PARD3B: variants seen among roughly 807,000 people sequenced by gnomAD.
The protein encoded by PARD3B is par-3 family cell polarity regulator beta.
PARD3B carries 103 observed loss-of-function variants against 130.2 expected under a neutral mutation model. The ratio of observed to expected loss-of-function variants is 0.79; its 90% confidence interval spans 0.67 to 0.93. The LOEUF (loss-of-function observed/expected upper bound fraction) is 0.93. PARD3B is among the 40% of genes least tolerant of loss of function. The pLI is 0.00. For synonymous variants in PARD3B, 583 were observed against 553.2 expected (o/e 1.05, Z -0.76); for missense variants, 1,609 against 1,499.2 (o/e 1.07, Z -1.21).
intron 2 of PARD3B, among the ~76,000 whole-genome samples, chr2:204,903,945 T>C (rs1267070522): frequency 1.3e-5 from 2 of 152,194 alleles, no homozygotes; most frequent in African/African-American, 4.8e-5. Flanking sequence ...GTCTACTATT[T>C]GTAATTTCTC....
intron 21 of PARD3B, among the ~76,000 whole-genome samples, chr2:205,544,613 G>C (rs1346881359): frequency 6.6e-6 from 1 of 152,216 alleles, no homozygotes; most frequent in East Asian, 1.9e-4. Context: ...AATCATAACA[G>C]AGACAGTTCA....
At chr2:205,403,982 A>T (rs1027801943) in intron 19 of PARD3B, among the ~76,000 whole-genome samples, 1 of 152,148 alleles carries the variant, frequency 6.6e-6, no homozygotes, top group Non-Finnish European at 1.5e-5. Context: ...ACTTGCCCCC[A>T]GCACCCCTCA....
chr2:204,798,936 T>G (rs1444911111), intron 2 of PARD3B, among the ~76,000 whole-genome samples: 1 of 151,718 alleles, frequency 6.6e-6, no homozygotes, highest in Non-Finnish European at 1.5e-5. Flanking sequence ...TAGCTTCAGG[T>G]GTAGCCCAGC....
intron 2 of PARD3B, among the ~76,000 whole-genome samples, chr2:204,795,424 A>G (rs915030030): frequency 1.3e-5 from 2 of 152,174 alleles, no homozygotes; most frequent in Non-Finnish European, 2.9e-5. Flanking sequence ...ATGACTGGTC[A>G]CGTTTGAGGA....
chr2:205,166,138 C>T (rs1209531575), intron 11 of PARD3B, among the ~76,000 whole-genome samples: 2 of 152,244 alleles, frequency 1.3e-5, no homozygotes, highest in Non-Finnish European at 2.9e-5. Context: ...CTAGACACCG[C>T]ATACTTAAAA....
intron 22 of PARD3B, among the ~76,000 whole-genome samples, chr2:205,581,271 GATAGATATAGATAT>G (rs1559238157): frequency 7.6e-6 from 1 of 131,216 alleles, no homozygotes; most frequent in Non-Finnish European, 1.6e-5. Flanking sequence ...GATATAGATA[GATAGATATAGATAT>G]ATAGATAGAT....
Position 205,183,730 on chromosome 2 carries a change from TTGTGTG to T in PARD3B, c.1925-1995_1925-1990del, listed in dbSNP as rs71410805. On this transcript the variant is annotated intron_variant, in intron 13 of 22. Transcript: ENST00000406610. The surrounding 1 kb of genome is among the most constrained non-coding windows in gnomAD (Gnocchi z 5.2). ...GGTTCTGCAGAGAAACAGAACCAAG[TTGTGTG>T]TGTGTGTGTGTGTGTGTGTGTGTGT... 0.047 allele frequency among the ~76,000 whole-genome samples: 6,449 copies of T among 138,200 alleles called. 365 individuals are homozygous for T. Among genetic ancestry groups the T allele is most frequent in the African/African-American group, 0.14 (5,350 of 37,140 alleles). The allele number at this position is 138,200 out of a possible 152,430, so 90.7% of individuals were successfully genotyped here.
Position 205,243,368 on chromosome 2 carries a change from A to G in PARD3B, c.2141-2410A>G, listed in dbSNP as rs992295552. Among the ~76,000 whole-genome samples, 9 of 152,302 alleles carry G rather than the reference A, an allele frequency of 5.9e-5. No individual in the cohort carries two copies. In the South Asian group the frequency reaches 1.9e-3, roughly 32 times the overall value. On this transcript the variant is annotated intron_variant, in intron 15 of 22. Transcript: ENST00000406610. The stretch of plus-strand genomic sequence containing the variant: ...ATTTGCACATGTAATCATCACCACA[A>G]ACCTGTGGGGTAAGCAATATCCTCT...
Position 205,366,390 on chromosome 2 carries a change from A to G in PARD3B, c.2631-34623A>G, listed in dbSNP as rs550125918. ...GACAGAGGTAAAGAATTTCCTACTT[A>G]TATTCGATGACAACCTAATGTTTTG... On this transcript the variant is annotated intron_variant, in intron 18 of 22. Transcript: ENST00000406610. The surrounding 1 kb of genome is among the most constrained non-coding windows in gnomAD (Gnocchi z 5.0). 1.3e-5 allele frequency among the ~76,000 whole-genome samples: 2 copies of G among 152,270 alleles called. No individual in the cohort carries two copies. The highest frequency in any genetic ancestry group is 2.4e-5 in the African/African-American group (1 of 41,556).
chr2:205,616,003 A>C lies in PARD3B; in HGVS notation c.*190A>C. ...AGGGGAAGGGAATTGGGGAGGAAAA[A>C]AAATCAGAAGGAAGACGAAAGATGG... On this transcript the variant is annotated 3_prime_UTR_variant, in exon 23 of 23. Transcript: ENST00000406610. The C allele has an allele frequency of 1.7e-6, 1 of 573,634 alleles. No individual in the cohort carries two copies. Among genetic ancestry groups the C allele is most frequent in the East Asian group, 3.0e-5 (1 of 33,566 alleles). 35.5% of individuals were successfully genotyped at this position (573,634 alleles called of 1,614,324 possible).
intron 1 of PARD3B, among the ~76,000 whole-genome samples, chr2:204,671,009 T>C (rs1282501760): frequency 6.6e-6 from 1 of 152,154 alleles, no homozygotes; most frequent in Non-Finnish European, 1.5e-5. Flanking sequence ...GGATTGGTTT[T>C]TCTCTAAGCC....
intron 1 of PARD3B, among the ~76,000 whole-genome samples, chr2:204,577,054 G>C (rs1449319788): frequency 1.3e-5 from 2 of 152,024 alleles, no homozygotes; most frequent in Admixed American, 6.6e-5. Flanking sequence ...TGGGATAGTT[G>C]GGTTTCGTAA....
chr2:205,172,155 CAT>C (rs1559507594), intron 11 of PARD3B, 54 bp from the exon 12 acceptor site: 90 of 1,522,730 alleles, frequency 5.9e-5, no homozygotes, highest in East Asian at 1.6e-4. Context: ...CAAAACGCCA[CAT>C]GTCATCACCA....
At chr2:205,485,648 G>T (rs186683685) in intron 20 of PARD3B, among the ~76,000 whole-genome samples, 5 of 152,130 alleles carry the variant, frequency 3.3e-5, no homozygotes, top group African/African-American at 1.2e-4. Context: ...TCTTCAGTGG[G>T]TCTGCATCAT....
intron 20 of PARD3B, among the ~76,000 whole-genome samples, chr2:205,493,405 C>G (rs748487757): frequency 1.3e-5 from 2 of 152,132 alleles, no homozygotes; most frequent in Non-Finnish European, 2.9e-5. Context: ...TTTCTTTATT[C>G]CATGTCTTTA....
rs565002571 is a variant in PARD3B, at chr2:204,550,574, A to C, written c.120+4455A>C. On this transcript the variant is annotated intron_variant, in intron 1 of 22. Transcript: ENST00000406610. ...TTCGTGGAATAGCAGGCATGCTGGAATTTACAAAGGCCAATTTGTGGCTCT... is the reference window on the plus strand; with the variant it reads ...TTCGTGGAATAGCAGGCATGCTGGACTTTACAAAGGCCAATTTGTGGCTCT... Among the ~76,000 whole-genome samples the C allele has an allele frequency of 3.3e-5, 5 of 152,318 alleles. No homozygotes were observed. The East Asian group carries it at 9.6e-4, about 29-fold the overall frequency.
At chr2:204,989,607 A>G (rs936040656) in intron 3 of PARD3B, among the ~76,000 whole-genome samples, 5 of 152,084 alleles carry the variant, frequency 3.3e-5, no homozygotes, top group Non-Finnish European at 7.4e-5. Flanking sequence ...CTGTGGAATA[A>G]TCATTCCTTT....
At chr2:204,795,750 G>A (rs977362167) in intron 2 of PARD3B, among the ~76,000 whole-genome samples, 65 of 152,090 alleles carry the variant, frequency 4.3e-4, no homozygotes, top group African/African-American at 1.4e-3. Context: ...GGCACCAGTT[G>A]AATAAAGAAA....
At chr2:205,254,911 G>T (rs932441795) in intron 16 of PARD3B, among the ~76,000 whole-genome samples, 9 of 151,670 alleles carry the variant, frequency 5.9e-5, no homozygotes, top group Non-Finnish European at 1.0e-4. Flanking sequence ...TGATCCGCCC[G>T]CCTCGGCCTC....
Sources: allele counts gnomAD v4.1 joint callset (sites outside exome capture counted in the v4.1 genomes callset), GRCh38; gene constraint gnomAD v4.1.1; non-coding constraint Gnocchi (gnomAD v3.1); transcripts MANE v1.5; gene names NCBI Gene and HGNC (gene_info 2026-07-23, HGNC 2026-07-21).